The following CMIP variants were observed in gnomAD, a reference collection of about 807,000 sequenced individuals.
CMIP encodes c-Maf inducing protein.
In CMIP, 13 loss-of-function variants were observed where a neutral mutation model predicts 97.3. The ratio of observed to expected loss-of-function variants is 0.13; its 90% CI spans 0.09 to 0.21. The LOEUF (loss-of-function observed/expected upper bound fraction) is 0.21, where lower values mean the gene tolerates loss of function less well. CMIP is among the 10% of genes least tolerant of loss of function. CMIP has a pLI of 1.00. For missense variants in CMIP, 847 were observed against 1,024.9 expected, an observed-to-expected ratio of 0.83 and a Z score of 2.37; for synonymous variants, 538 against 436.3, an observed-to-expected ratio of 1.23 and a Z score of -2.91.
chr16:81,529,456 G>C (rs767157416), intron 1 of CMIP, among the ~76,000 whole-genome samples: 10 of 152,212 alleles, frequency 6.6e-5, no homozygotes, highest in Non-Finnish European at 1.5e-4. Flanking sequence ...TCTTCGAGGA[G>C]ATGGGCTGTG....
intron 3 of CMIP, among the ~76,000 whole-genome samples, chr16:81,624,822 G>A (rs975475475): frequency 6.6e-6 from 1 of 152,210 alleles, no homozygotes; most frequent in African/African-American, 2.4e-5. Context: ...ATTGTTTTGT[G>A]GAAGAAGGCA....
chr16:81,693,148 T>G lies in CMIP; in HGVS notation c.1455-10T>G. The G allele has an allele frequency of 6.2e-7, 1 of 1,612,494 alleles. No homozygotes were observed. Among genetic ancestry groups the G allele is most frequent in the Non-Finnish European group, 8.5e-7 (1 of 1,178,650 alleles). On this transcript the variant is annotated splice_polypyrimidine_tract_variant and intron_variant, in intron 11 of 20. Transcript: ENST00000537098. ...GTTAACCGCCGTGTTTTCCCCTGTTTTTGTTGCAGAGCTCTCGCACATGAG... is the reference window on the plus strand; with the variant it reads ...GTTAACCGCCGTGTTTTCCCCTGTTGTTGTTGCAGAGCTCTCGCACATGAG...
At chr16:81,490,316 C>G (rs1041554041) in intron 1 of CMIP, among the ~76,000 whole-genome samples, 2 of 152,220 alleles carry the variant, frequency 1.3e-5, no homozygotes, top group Non-Finnish European at 2.9e-5. Flanking sequence ...TGTAACAAAC[C>G]AGCATACAAA....
intron 7 of CMIP, chr16:81,667,010 C>T (rs545354190): frequency 1.3e-5 from 2 of 151,950 alleles, no homozygotes; most frequent in Non-Finnish European, 2.9e-5. Context: ...CGTACCTAGC[C>T]TGCCTAAGCC....
At chr16:81,674,894 G>A (rs1241419156) in intron 9 of CMIP, among the ~76,000 whole-genome samples, 1 of 152,148 alleles carries the variant, frequency 6.6e-6, no homozygotes, top group African/African-American at 2.4e-5. Context: ...CCAGATCAGG[G>A]CTTCTTTCTT....
At chr16:81,459,049 CATCACCATCACT>C (rs1906742687) in intron 1 of CMIP, among the ~76,000 whole-genome samples, 9 of 144,200 alleles carry the variant, frequency 6.2e-5, no homozygotes, top group Admixed American at 1.4e-4. Flanking sequence ...TCACCATCAC[CATCACCATCACT>C]GTCACCGTCA....
chr16:81,562,559 G>T (rs1385175299), intron 1 of CMIP, among the ~76,000 whole-genome samples: 1 of 152,234 alleles, frequency 6.6e-6, no homozygotes, highest in African/African-American at 2.4e-5. Context: ...TAGGACATGT[G>T]GCAAAGGATG....
At chr16:81,700,355 C>T (rs1233858600) in intron 15 of CMIP, among the ~76,000 whole-genome samples, 3 of 152,136 alleles carry the variant, frequency 2.0e-5, no homozygotes. Context: ...TGCTGCTGCT[C>T]CTCTCTCTCC....
chr16:81,621,503 C>G lies in CMIP; in HGVS notation c.477+577C>G, dbSNP rs999595201. On this transcript the variant is annotated intron_variant, in intron 3 of 20. Coordinates refer to ENST00000537098, the MANE Select transcript of CMIP (RefSeq NM_198390.3). This position sits in a 1 kb window ranked among gnomAD's most constrained non-coding sequence, Gnocchi z 4.1. ...AGGGGTCCCCCAGCCACCCGAGGAG[C>G]CTGAGTTGTGCCCCATGGCTCAGGC... 1 of 153,604 alleles carries G rather than the reference C, an allele frequency of 6.5e-6. No individual in the cohort carries two copies. Among genetic ancestry groups the G allele is most frequent in the Non-Finnish European group, 1.5e-5 (1 of 68,750 alleles). The allele number at this position is 153,604 out of a possible 1,614,324, so 9.5% of individuals were successfully genotyped here. A position where few individuals can be genotyped will look rare whatever the true frequency, so the allele number is the denominator to read the frequency against.
At chr16:81,573,960 G>T (rs768066041) in intron 1 of CMIP, among the ~76,000 whole-genome samples, 1 of 151,992 alleles carries the variant, frequency 6.6e-6, no homozygotes, top group Non-Finnish European at 1.5e-5. Context: ...TTTTGGGGGC[G>T]CCATTTAACA....
intron 4 of CMIP, among the ~76,000 whole-genome samples, chr16:81,656,932 G>C (rs867004239): frequency 1.3e-5 from 2 of 151,990 alleles, no homozygotes. Flanking sequence ...CCAAAAGTCC[G>C]AAACTTTCTG....
intron 1 of CMIP, among the ~76,000 whole-genome samples, chr16:81,522,511 C>T (rs2090048147): frequency 6.6e-6 from 1 of 152,226 alleles, no homozygotes; most frequent in Admixed American, 6.5e-5. Flanking sequence ...CTGTGATAGA[C>T]TTTTCTTCTT....
At chr16:81,454,662 G>A (rs1327568707) in intron 1 of CMIP, among the ~76,000 whole-genome samples, 3 of 152,194 alleles carry the variant, frequency 2.0e-5, no homozygotes, top group Admixed American at 2.0e-4. Context: ...CTCAGGCATG[G>A]CACTTGGAAA....
chr16:81,527,107 T>C (rs767917698), intron 1 of CMIP, among the ~76,000 whole-genome samples: 2 of 152,246 alleles, frequency 1.3e-5, no homozygotes, highest in Non-Finnish European at 2.9e-5. Context: ...ATGTGTTTTC[T>C]TGGTTTTTGT....
At chr16:81,497,628 C>T (rs114819667) in intron 1 of CMIP, among the ~76,000 whole-genome samples, 2,224 of 152,336 alleles carry the variant, frequency 0.015, 53 homozygotes, top group African/African-American at 0.051. Flanking sequence ...ACTGGCTCTC[C>T]GAGGGTGTCT....
intron 1 of CMIP, among the ~76,000 whole-genome samples, chr16:81,572,666 C>A (rs955010577): frequency 6.6e-6 from 1 of 152,174 alleles, no homozygotes; most frequent in African/African-American, 2.4e-5. Context: ...GTCTCAAATC[C>A]CGTTGAGTCT....
At chr16:81,626,025 G>A (rs2092056290) in intron 3 of CMIP, among the ~76,000 whole-genome samples, 1 of 152,212 alleles carries the variant, frequency 6.6e-6, no homozygotes, top group African/African-American at 2.4e-5. Context: ...GAAAATCCCA[G>A]CCCAGCTTTG....
At chr16:81,580,655 C>T (rs961564674) in intron 1 of CMIP, among the ~76,000 whole-genome samples, 1 of 152,018 alleles carries the variant, frequency 6.6e-6, no homozygotes, top group African/African-American at 2.4e-5. Context: ...AGGCTGGTCT[C>T]GAACTCCTGA....
chr16:81,464,816 CCTT>C (rs1464721829), intron 1 of CMIP: 1 of 152,166 alleles, frequency 6.6e-6, no homozygotes, highest in Non-Finnish European at 1.5e-5. Context: ...CGGTATTTGT[CCTT>C]CTGTGTCTGG....
Sources: allele counts gnomAD v4.1 joint callset (sites outside exome capture counted in the v4.1 genomes callset), GRCh38; gene constraint gnomAD v4.1.1; non-coding constraint Gnocchi (gnomAD v3.1); transcripts MANE v1.5; gene names NCBI Gene and HGNC (gene_info 2026-07-23, HGNC 2026-07-21).